The following PRPF8 variants were observed in gnomAD, a reference collection of about 807,000 sequenced individuals.
PRPF8 encodes the protein pre-mRNA processing factor 8.
A neutral mutation model predicts 285.9 loss-of-function variants in PRPF8; 64 were observed. The ratio of observed to expected loss-of-function variants is 0.22; its 90% CI spans 0.18 to 0.28. PRPF8 has a LOEUF of 0.28. PRPF8 is among the 10% of genes least tolerant of loss of function. The probability of loss-of-function intolerance (pLI) is 1.00; values close to 1 mark genes in which losing one functional copy is unlikely to be tolerated. For missense variants in PRPF8, 1,426 were observed against 3,026.7 expected (o/e 0.47, Z 12.41); for synonymous variants, 1,325 against 1,118.2 (o/e 1.18, Z -3.69).
chr17:1,653,806 A>G lies in PRPF8; in HGVS notation c.6198T>C (p.Thr2066=). 6.2e-7 allele frequency: 1 copy of G among 1,614,134 alleles called. No individual in the cohort carries two copies. Among genetic ancestry groups the G allele is most frequent in the Non-Finnish European group, 8.5e-7 (1 of 1,180,026 alleles). Residue 2066 remains threonine, a synonymous_variant, in exon 38 of 43, where the codon ACT becomes ACC. Transcript: ENST00000304992. This position sits in a 1 kb window ranked among gnomAD's most constrained non-coding sequence, Gnocchi z 4.9. ...CCCTCCACTCAGTCTTGGATGAGAA[A>G]GTCTGGGTCTCATAGTTGCTGGTGG... ...TSTTSNYETQ[T]FSSKTEWRVR... is the part of the protein sequence containing the mutation.
In PRPF8 at chr17:1,676,354, G is replaced by A; in HGVS notation, c.2405C>T (p.Thr802Ile). The A allele has an allele frequency of 1.2e-6, 2 of 1,614,182 alleles. No homozygotes were observed. Among genetic ancestry groups the A allele is most frequent in the Non-Finnish European group, 1.7e-6 (2 of 1,180,026 alleles). Residue 802 changes from threonine to isoleucine, a missense_variant, in exon 17 of 43, where the codon ACA becomes ATA. Transcript: ENST00000304992. This position sits in a 1 kb window ranked among gnomAD's most constrained non-coding sequence, Gnocchi z 6.3. The part of the protein sequence containing the change: ...HNYLKDGPYI[T>I]AEEAVAVYTT... ...ATATACTGCCACTGCTTCCTCCGCT[G>A]TGATGTAAGGCCCGTCCTGTAAGGT...
At chr17:1,670,090 G>C (rs1308604740) in intron 24 of PRPF8, among the ~76,000 whole-genome samples, 1 of 152,088 alleles carries the variant, frequency 6.6e-6, no homozygotes, top group African/African-American at 2.4e-5. Flanking sequence ...AAATCTAACA[G>C]ATCATCAATT....
chr17:1,679,674 C>A lies in PRPF8; in HGVS notation c.1224G>T (p.Pro408=). 1 of 1,614,134 alleles carries A rather than the reference C, an allele frequency of 6.2e-7. No individual in the cohort carries two copies. The highest frequency in any genetic ancestry group is 1.1e-5 in the South Asian group (1 of 91,084). ...GACCAGAGCGTAGGTTGAAGGGCCGCGGGGCCCAGAGCAGGGCAATGCCAT... is the reference window on the plus strand; with the variant it reads ...GACCAGAGCGTAGGTTGAAGGGCCGAGGGGCCCAGAGCAGGGCAATGCCAT... The part of the protein sequence containing the change: ...TANGIALLWA[P]RPFNLRSGRT... Residue 408 remains proline (P), a synonymous_variant, in exon 9 of 43, where the codon CCG becomes CCT. Coordinates refer to ENST00000304992, the MANE Select transcript of PRPF8 (RefSeq NM_006445.4). This position sits in a 1 kb window ranked among gnomAD's most constrained non-coding sequence, Gnocchi z 4.7.
chr17:1,673,358 T>A lies in PRPF8; in HGVS notation c.3656A>T (p.Glu1219Val), dbSNP rs1159102316. ...CTCCCAGCCCCGCCCAGGCTGTACC[T>A]CATTCTGCAGGTTCCAGACCCCGTC... The part of the protein sequence containing the change: ...HKDGVWNLQN[E>V]VTKERTAQCF... Residue 1219 changes from glutamate (E) to valine (V), a missense_variant and splice_region_variant, in exon 23 of 43, where the codon GAG becomes GTG. Around this residue, in one of 34 missense-constraint regions of PRPF8, gnomAD observed 10 missense variants for 37.8 expected, o/e 0.26. Transcript: ENST00000304992. This position sits in a 1 kb window ranked among gnomAD's most constrained non-coding sequence, Gnocchi z 5.5. 6.2e-7 allele frequency: 1 copy of A among 1,614,032 alleles called. No individual in the cohort carries two copies. The highest frequency in any genetic ancestry group is 1.7e-5 in the Admixed American group (1 of 60,014).
intron 3 of PRPF8, 163 bp downstream of exon 3, chr17:1,683,370 T>C (rs926023986): frequency 8.9e-6 from 7 of 786,258 alleles, no homozygotes; most frequent in Non-Finnish European, 1.5e-5. Context: ...GGAAACAGAC[T>C]GCAAAAGTGG....
At chr17:1,682,984 C>T (rs1031463208) in intron 3 of PRPF8, 1 of 185,452 alleles carries the variant, frequency 5.4e-6, no homozygotes, top group East Asian at 1.3e-4. Flanking sequence ...ACCATAGGGA[C>T]ATCTTATTTT....
chr17:1,678,961 G>A (rs1912761127), intron 11 of PRPF8, 56 bp downstream of exon 11: 3 of 1,613,498 alleles, frequency 1.9e-6, no homozygotes, highest in African/African-American at 1.3e-5. Context: ...GTAACCAGAG[G>A]AAAACAACTG....
chr17:1,683,779 TGTCA>T, intron 2 of PRPF8, 78 bp from the exon 3 acceptor site: 1 of 1,550,532 alleles, frequency 6.4e-7, no homozygotes, highest in Non-Finnish European at 8.8e-7. Flanking sequence ...GGTAAGCTCC[TGTCA>T]GTGAGTGTGA....
chr17:1,659,308 G>A lies in PRPF8; in HGVS notation c.5138+49C>T, dbSNP rs1406553470. 1.2e-6 allele frequency: 2 copies of A among 1,605,576 alleles called. No homozygotes were observed. The highest frequency in any genetic ancestry group is 1.7e-6 in the Non-Finnish European group (2 of 1,173,294). On this transcript the variant is annotated intron_variant, in intron 32 of 42. Transcript: ENST00000304992. The surrounding 1 kb of genome is among the most constrained non-coding windows in gnomAD (Gnocchi z 5.1). ...CCCAAAGTGCTGGGATTACAGGTGTGAGCCACTGCGCCTGGCCTGAAAATA... is the reference window on the plus strand; with the variant it reads ...CCCAAAGTGCTGGGATTACAGGTGTAAGCCACTGCGCCTGGCCTGAAAATA...
At position 1,678,807 on chromosome 17, in the gene PRPF8, C is replaced by T; in HGVS notation, c.1674G>A (p.Val558=). 1.2e-6 allele frequency: 2 copies of T among 1,614,166 alleles called. No individual in the cohort carries two copies. The highest frequency in any genetic ancestry group is 1.3e-5 in the African/African-American group (1 of 75,048). ...CCAGCCGATACTGCACGTGACTATC[C>T]ACCACCAGCTTAGTCAAACGCAGAA... ...REVLRLTKLV[V]DSHVQYRLGN... The change falls in exon 12 of 43, where the codon GTG becomes GTA. Residue 558 remains valine, a synonymous_variant. Transcript: ENST00000304992.
rs887731991 is a variant in PRPF8 at position 1,673,960 on chromosome 17, A to T, written c.3300-68T>A. Reference sequence around the variant, plus strand: ...GATTTGGGACACCCACAAGTCCTCCAGCTCAATAGACGGAGACCCCACCCC... The same window carrying T: ...GATTTGGGACACCCACAAGTCCTCCTGCTCAATAGACGGAGACCCCACCCC... On this transcript the variant is annotated intron_variant, in intron 21 of 42. Coordinates refer to ENST00000304992, the MANE Select transcript of PRPF8 (RefSeq NM_006445.4). The surrounding 1 kb of genome is among the most constrained non-coding windows in gnomAD (Gnocchi z 5.5). 1.4e-5 allele frequency: 22 copies of T among 1,578,342 alleles called. No individual in the cohort carries two copies. The highest frequency in any genetic ancestry group is 6.7e-5 in the Admixed American group (4 of 59,940).
At position 1,661,548 on chromosome 17, in the gene PRPF8, C is replaced by A; in HGVS notation, c.4202+63G>T. The A allele has an allele frequency of 6.2e-7, 1 of 1,610,504 alleles. No individual in the cohort carries two copies. The highest frequency in any genetic ancestry group is 8.5e-7 in the Non-Finnish European group (1 of 1,179,104). ...CATGGCATGCTCTGACCCTGAACTC[C>A]ACACGGTTCAAAGGCCACCACTGCC... On this transcript the variant is annotated intron_variant, in intron 26 of 42. Transcript: ENST00000304992. The surrounding 1 kb of genome is among the most constrained non-coding windows in gnomAD (Gnocchi z 7.3).
intron 6 of PRPF8, 61 bp downstream of exon 6, chr17:1,681,417 G>A (rs1912916579): frequency 6.7e-7 from 1 of 1,492,706 alleles, no homozygotes; most frequent in Non-Finnish European, 9.3e-7. Flanking sequence ...AGGACTTTAA[G>A]GATCAAGATT....
chr17:1,678,300 G>A (rs1912720265), intron 13 of PRPF8: 3 of 567,438 alleles, frequency 5.3e-6, no homozygotes, highest in African/African-American at 1.9e-5. Context: ...GGGCAACAGA[G>A]AAAGACTCAG....
rs376043706 is a variant in PRPF8, at chr17:1,682,414, T to C, written c.270-121A>G. On this transcript the variant is annotated intron_variant, in intron 3 of 42. Coordinates refer to ENST00000304992, the MANE Select transcript of PRPF8 (RefSeq NM_006445.4). ...TACCTTACAATCCAAACTCCCAAAC[T>C]TAGCCCACAGGCCCTTCCTAACCAG... The C allele has an allele frequency of 2.8e-5, 37 of 1,315,250 alleles. No individual in the cohort carries two copies. In the African/African-American group the frequency reaches 4.3e-4, roughly 15 times the overall value. 81.5% of individuals were successfully genotyped at this position (1,315,250 alleles called of 1,614,324 possible).
Position 1,681,511 on chromosome 17 carries a change from T to C in PRPF8, c.833A>G (p.Lys278Arg), listed in dbSNP as rs781357074. 24 of 1,609,856 alleles carry C rather than the reference T, an allele frequency of 1.5e-5. No individual in the cohort carries two copies. The highest frequency in any genetic ancestry group is 2.0e-5 in the Non-Finnish European group (23 of 1,176,280). Reference sequence around the variant, plus strand: ...GATGTCTCGAACAAGAGGTTCAAATTTGGGGCCTCCAGGAATGGCCATATT... The same window carrying C: ...GATGTCTCGAACAAGAGGTTCAAATCTGGGGCCTCCAGGAATGGCCATATT... The part of the protein sequence containing the change: ...ALNMAIPGGP[K>R]FEPLVRDINL... Residue 278 changes from lysine to arginine, a missense_variant, in exon 6 of 43, where the codon AAA becomes AGA. By Grantham distance (26) the Lys-to-Arg change is conservative (BLOSUM62 2). Coordinates refer to ENST00000304992, the MANE Select transcript of PRPF8 (RefSeq NM_006445.4).
rs895186410 is a variant in PRPF8, at chr17:1,654,260, G to A, written c.5988-244C>T. ...ACTGTTTAGCATCCATAAACCCTAC[G>A]CTTCCTTGACCAAAACAATGCTCTG... is the stretch of plus-strand genomic sequence containing the variant. On this transcript the variant is annotated intron_variant, in intron 37 of 42. Transcript: ENST00000304992. The A allele has an allele frequency of 1.0e-4, 65 of 621,232 alleles. No individual in the cohort carries two copies. The Middle Eastern group carries it at 1.7e-3, about 16-fold the overall frequency. The allele number at this position is 621,232 out of a possible 1,614,324, so 38.5% of individuals were successfully genotyped here.
rs757801032 is a variant in PRPF8 at position 1,679,327 on chromosome 17, G to A, written c.1373C>T (p.Ala458Val). ...QKLLKYYVLN[A>V]LKHRPPKAQK... The stretch of plus-strand genomic sequence containing the variant: ...AGCCTTAGGGGGCCGATGCTTCAGG[G>A]CATTCAGCACATAGTACTTAAGCAG... Residue 458 changes from alanine (A) to valine (V), a missense_variant, in exon 10 of 43, where the codon GCC becomes GTC. Ala to Val is a moderately conservative substitution (Grantham distance 64). Around this residue, in one of 34 missense-constraint regions of PRPF8, gnomAD observed 137 missense variants for 161.2 expected, o/e 0.85. Transcript: ENST00000304992. The surrounding 1 kb of genome is among the most constrained non-coding windows in gnomAD (Gnocchi z 4.7). The A allele has an allele frequency of 6.2e-7, 1 of 1,614,074 alleles. No individual in the cohort carries two copies. The highest frequency in any genetic ancestry group is 8.5e-7 in the Non-Finnish European group (1 of 1,180,018).
chr17:1,660,877 C>T (rs1911647305), intron 28 of PRPF8, 50 bp from the exon 29 acceptor site: 1 of 1,612,952 alleles, frequency 6.2e-7, no homozygotes, highest in Non-Finnish European at 8.5e-7. Flanking sequence ...TTTCCCAGCA[C>T]ACTGCTAACC....
Sources: allele counts gnomAD v4.1 joint callset (sites outside exome capture counted in the v4.1 genomes callset), GRCh38; gene constraint gnomAD v4.1.1; regional missense constraint gnomAD v4.1.1; non-coding constraint Gnocchi (gnomAD v3.1); transcripts MANE v1.5; gene names NCBI Gene and HGNC (gene_info 2026-07-23, HGNC 2026-07-21).